Variants in MACROD2 observed in about 807,000 individuals in gnomAD.
The protein encoded by MACROD2 is mono-ADP ribosylhydrolase 2, also known as ADP-ribose glycohydrolase MACROD2.
A neutral mutation model predicts 70.4 loss-of-function variants in MACROD2; 36 were observed. That is an observed-to-expected ratio of 0.51 (90% CI 0.39 to 0.68). MACROD2 has a LOEUF of 0.68. MACROD2 is among the 30% of genes least tolerant of loss of function. The pLI is 0.00. For missense variants in MACROD2, 496 were observed against 538.4 expected (o/e 0.92, Z 0.78); for synonymous variants, 172 against 178.8 (o/e 0.96, Z 0.30).
At chr20:15,242,844 CTG>C (rs2077071675) in intron 6 of MACROD2, among the ~76,000 whole-genome samples, 1 of 152,134 alleles carries the variant, frequency 6.6e-6, no homozygotes, top group Admixed American at 6.5e-5. Flanking sequence ...AGGAACCACT[CTG>C]GGATGGAGGT....
intron 5 of MACROD2, among the ~76,000 whole-genome samples, chr20:15,184,021 C>T (rs2076518259): frequency 6.6e-6 from 1 of 152,168 alleles, no homozygotes; most frequent in African/African-American, 2.4e-5. Context: ...GAACCCAGGC[C>T]TTATTTAAAG....
chr20:14,768,407 G>T lies in MACROD2; in HGVS notation c.418+83448G>T, dbSNP rs574184444. ...AACATTTCCCAGGAATTTGGGAATT[G>T]ATATCAGTTTTATTTCCCTGTTCTC... On this transcript the variant is annotated intron_variant, in intron 5 of 17. Coordinates refer to ENST00000684519, the MANE Select transcript of MACROD2 (RefSeq NM_001351661.2). 2.0e-4 allele frequency among the ~76,000 whole-genome samples: 30 copies of T among 152,090 alleles called. 2 individuals carry two copies. The highest frequency in any genetic ancestry group is 2.5e-4 in the Non-Finnish European group (17 of 68,026).
chr20:15,229,686 C>T (rs549438921), intron 5 of MACROD2, among the ~76,000 whole-genome samples: 2 of 152,186 alleles, frequency 1.3e-5, no homozygotes, highest in East Asian at 1.9e-4. Flanking sequence ...TTGAATCTGA[C>T]CAAAAACTAT....
At chr20:14,002,434 A>G (rs745361359) in intron 2 of MACROD2, 30 bp downstream of exon 2, 4 of 1,403,976 alleles carry the variant, frequency 2.8e-6, no homozygotes, top group African/African-American at 1.4e-5. Flanking sequence ...TTTTAGGTAG[A>G]TATTTTTCCC....
intron 8 of MACROD2, among the ~76,000 whole-genome samples, chr20:15,566,440 G>A (rs1176808301): frequency 6.6e-6 from 1 of 151,932 alleles, no homozygotes; most frequent in Admixed American, 6.6e-5. Flanking sequence ...GGAGGTTGCA[G>A]TGAACCAAGA....
chr20:14,101,940 T>A lies in MACROD2; in HGVS notation c.271+16212T>A, dbSNP rs546868643. The stretch of plus-strand genomic sequence containing the variant: ...GTTGACTGAGCACTTAAGTTCATAC[T>A]TTTTCATATTGCTCTTTTTTCTTTA... On this transcript the variant is annotated intron_variant, in intron 3 of 17. Coordinates refer to ENST00000684519, the MANE Select transcript of MACROD2 (RefSeq NM_001351661.2). Among the ~76,000 whole-genome samples the A allele has an allele frequency of 9.2e-5, 14 of 151,454 alleles. 1 individual carries two copies. In the East Asian group the frequency reaches 2.7e-3, roughly 29 times the overall value.
At chr20:15,282,628 T>G (rs1717027508) in intron 6 of MACROD2, among the ~76,000 whole-genome samples, 1 of 152,186 alleles carries the variant, frequency 6.6e-6, no homozygotes, top group African/African-American at 2.4e-5. Context: ...AAAAAGTTAC[T>G]CATTTCCACC....
intron 4 of MACROD2, among the ~76,000 whole-genome samples, chr20:14,501,805 T>C (rs1461905121): frequency 6.6e-6 from 1 of 152,120 alleles, no homozygotes; most frequent in East Asian, 1.9e-4. Context: ...TCTAGGCTCT[T>C]ATAAGTTCTC....
chr20:16,041,452 T>A (rs2067306378), intron 16 of MACROD2, among the ~76,000 whole-genome samples, 174 bp downstream of exon 16: 3 of 150,718 alleles, frequency 2.0e-5, no homozygotes, highest in Admixed American at 2.0e-4. Flanking sequence ...ACCTCTTATT[T>A]AAAAAAAAAA....
chr20:15,909,451 A>G (rs1317465742), intron 10 of MACROD2, among the ~76,000 whole-genome samples: 1 of 151,940 alleles, frequency 6.6e-6, no homozygotes, highest in Non-Finnish European at 1.5e-5. Context: ...ATGTATAGGT[A>G]CAGTCATTTT....
At chr20:15,646,464 G>A (rs991751776) in intron 8 of MACROD2, among the ~76,000 whole-genome samples, 1 of 152,160 alleles carries the variant, frequency 6.6e-6, no homozygotes, top group Non-Finnish European at 1.5e-5. Flanking sequence ...TGGGAGCTAC[G>A]TGTTATTTTA....
At chr20:15,881,625 G>A (rs990296219) in intron 9 of MACROD2, among the ~76,000 whole-genome samples, 5 of 152,098 alleles carry the variant, frequency 3.3e-5, no homozygotes, top group East Asian at 1.9e-4. Flanking sequence ...AACAATGGCT[G>A]GTTATTGTTT....
intron 8 of MACROD2, among the ~76,000 whole-genome samples, chr20:15,739,728 A>G (rs571134625): frequency 6.6e-6 from 1 of 152,352 alleles, no homozygotes; most frequent in South Asian, 2.1e-4. Context: ...CTAAGCAACA[A>G]ATATAGAATG....
At chr20:15,561,235 C>T (rs374589312) in intron 8 of MACROD2, among the ~76,000 whole-genome samples, 4 of 152,310 alleles carry the variant, frequency 2.6e-5, no homozygotes, top group East Asian at 3.9e-4. Context: ...GCTGTCATTA[C>T]GCATTTTATT....
intron 5 of MACROD2, among the ~76,000 whole-genome samples, chr20:14,868,259 T>G (rs1381513827): frequency 6.6e-6 from 1 of 151,642 alleles, no homozygotes. Context: ...GCAATCATGG[T>G]TCACTGCAGC....
At chr20:14,207,086 A>C (rs2081530060) in intron 3 of MACROD2, among the ~76,000 whole-genome samples, 1 of 152,138 alleles carries the variant, frequency 6.6e-6, no homozygotes, top group Non-Finnish European at 1.5e-5. Flanking sequence ...CATCAATGGA[A>C]TCAAAAGCAC....
intron 3 of MACROD2, among the ~76,000 whole-genome samples, chr20:14,451,406 G>T (rs534463143): frequency 8.8e-4 from 134 of 152,218 alleles, no homozygotes; most frequent in African/African-American, 3.1e-3. Flanking sequence ...CTGAGATCAT[G>T]CCACTGCTCT....
chr20:15,872,157 A>G (rs912483191), intron 9 of MACROD2, among the ~76,000 whole-genome samples: 1 of 152,206 alleles, frequency 6.6e-6, no homozygotes, highest in Non-Finnish European at 1.5e-5. Context: ...TTGCATTAGT[A>G]GGGCTAGAGC....
intron 3 of MACROD2, among the ~76,000 whole-genome samples, chr20:14,086,805 G>A (rs569220977): frequency 6.6e-6 from 1 of 152,282 alleles, no homozygotes; most frequent in South Asian, 2.1e-4. Context: ...CTTGTCATTG[G>A]TTGCAAGGTG....
Sources: allele counts gnomAD v4.1 joint callset (sites outside exome capture counted in the v4.1 genomes callset), GRCh38; gene constraint gnomAD v4.1.1; transcripts MANE v1.5; gene names NCBI Gene and HGNC (gene_info 2026-07-23, HGNC 2026-07-21).